Variants in PTCD1 observed in about 807,000 individuals in gnomAD.
PTCD1 encodes the protein pentatricopeptide repeat-containing protein 1, mitochondrial.
A neutral mutation model predicts 53.4 loss-of-function variants in PTCD1; 50 were observed. The observed-to-expected ratio is 0.94, with a 90% CI of 0.75 to 1.19. The LOEUF is 1.19. Ranked by LOEUF, PTCD1 falls within the 50% of genes most tolerant of loss-of-function variation. PTCD1 has a pLI of 0.00. For missense variants in PTCD1, 918 were observed against 904.8 expected (o/e 1.01, Z -0.19); for synonymous variants, 413 against 394.8 (o/e 1.05, Z -0.55).
intron 1 of PTCD1, among the ~76,000 whole-genome samples, chr7:99,437,380 C>A (rs1796522673): frequency 1.3e-5 from 2 of 151,684 alleles, no homozygotes; most frequent in East Asian, 3.9e-4. Context: ...CCTCGGCTCA[C>A]TGCAATTTCC....
intron 5 of PTCD1, among the ~76,000 whole-genome samples, chr7:99,427,386 C>T (rs1319635083): frequency 2.0e-5 from 3 of 149,108 alleles, no homozygotes; most frequent in Admixed American, 1.3e-4. Context: ...CCAGCCGCCC[C>T]GTCCGGGAGG....
intron 3 of PTCD1, among the ~76,000 whole-genome samples, chr7:99,430,931 C>T (rs902768433): frequency 1.3e-5 from 2 of 152,132 alleles, no homozygotes; most frequent in Non-Finnish European, 1.5e-5. Context: ...AAAAATTAGC[C>T]AGGCATGGTG....
Position 99,419,417 on chromosome 7 carries a change from T to C in PTCD1, c.*550A>G. On this transcript the variant is annotated 3_prime_UTR_variant, in exon 8 of 8. Coordinates refer to ENST00000292478, the MANE Select transcript of PTCD1 (RefSeq NM_015545.4). The stretch of plus-strand genomic sequence containing the variant: ...GCCGCATCATCGAGTGCACACACTG[T>C]GGCTGTCGTGGCTGCTCTGGCTGAG... The C allele has an allele frequency of 6.2e-7, 1 of 1,613,026 alleles. No individual in the cohort carries two copies. The highest frequency in any genetic ancestry group is 8.5e-7 in the Non-Finnish European group (1 of 1,180,026).
chr7:99,419,548 G>T lies in PTCD1; in HGVS notation c.*419C>A. 1 of 1,295,216 alleles carries T rather than the reference G, an allele frequency of 7.7e-7. No homozygotes were observed. The highest frequency in any genetic ancestry group is 1.1e-6 in the Non-Finnish European group (1 of 906,926). The allele number at this position is 1,295,216 out of a possible 1,614,324, so 80.2% of individuals were successfully genotyped here. ...TGCCCCAGGCCCGAGTTGGAGCACG[G>T]TCTCTATGGGGAAGGCTTCGCTGTC... On this transcript the variant is annotated 3_prime_UTR_variant, in exon 8 of 8. Coordinates refer to ENST00000292478, the MANE Select transcript of PTCD1 (RefSeq NM_015545.4).
At position 99,425,123 on chromosome 7, in the gene PTCD1, C is replaced by G; in HGVS notation, c.1409G>C (p.Gly470Ala). The G allele has an allele frequency of 1.9e-6, 3 of 1,613,984 alleles. No homozygotes were observed. The highest frequency in any genetic ancestry group is 2.5e-6 in the Non-Finnish European group (3 of 1,179,946). Reference protein sequence around the residue: ...TPADRLALIGGLEGFLSKMAE... With the variant: ...TPADRLALIGALEGFLSKMAE... ...CATCTTGCTCAGGAAGCCCTCCAGG[C>G]CCCCTATCAAGGCCAGCCGGTCAGC... The change falls in exon 6 of 8, where the codon GGC becomes GCC. Residue 470 changes from glycine to alanine, a missense_variant. Physicochemically the swap from Gly to Ala is moderately conservative, Grantham distance 60. Coordinates refer to ENST00000292478, the MANE Select transcript of PTCD1 (RefSeq NM_015545.4).
intron 1 of PTCD1, chr7:99,438,414 A>C (rs938071990): frequency 1.5e-6 from 1 of 667,782 alleles, no homozygotes; most frequent in Non-Finnish European, 1.9e-6. Flanking sequence ...GCAGTGAGCT[A>C]TGATCGTACC....
At chr7:99,426,520 G>C (rs1796030789) in intron 5 of PTCD1, among the ~76,000 whole-genome samples, 1 of 152,298 alleles carries the variant, frequency 6.6e-6, no homozygotes, top group African/African-American at 2.4e-5. Context: ...GGAGTGCAGT[G>C]GCGTGATCTC....
chr7:99,422,887 T>C (rs1795878442), intron 7 of PTCD1, among the ~76,000 whole-genome samples: 1 of 152,084 alleles, frequency 6.6e-6, no homozygotes. Flanking sequence ...ATCTTTTGCG[T>C]CCTCTGTAAA....
intron 3 of PTCD1, 96 bp from the exon 4 acceptor site, chr7:99,429,902 G>A (rs1188241993): frequency 8.8e-5 from 128 of 1,458,088 alleles, no homozygotes; most frequent in Non-Finnish European, 1.2e-4. Flanking sequence ...AGAGGACCCC[G>A]TCACTGCATC....
rs1049027532 is a variant in PTCD1 at position 99,417,119 on chromosome 7, C to A, written c.*2848G>T. On this transcript the variant is annotated 3_prime_UTR_variant, in exon 8 of 8. Transcript: ENST00000292478. ...TCACCCAGGCTGGAGTCCAGTGGCA[C>A]GACCTCAGGTCACTACAACCTCCGC... 5.7e-5 allele frequency: 16 copies of A among 279,866 alleles called. No homozygotes were observed. The East Asian group carries it at 1.7e-3, about 30-fold the overall frequency. The allele number at this position is 279,866 out of a possible 1,614,324, so 17.3% of individuals were successfully genotyped here.
rs1047316797 is a variant in PTCD1 at position 99,419,847 on chromosome 7, C to T, written c.*120G>A. 117 of 1,539,952 alleles carry T rather than the reference C, an allele frequency of 7.6e-5. No homozygotes were observed. Among genetic ancestry groups the T allele is most frequent in the Non-Finnish European group, 9.6e-5 (109 of 1,132,808 alleles). On this transcript the variant is annotated 3_prime_UTR_variant, in exon 8 of 8. Coordinates refer to ENST00000292478, the MANE Select transcript of PTCD1 (RefSeq NM_015545.4). ...TGTGTCCTCACCAACACCTGTGACA[C>T]GCTGCGGCTGTTCCTCAGGGCCTGG...
intron 5 of PTCD1, among the ~76,000 whole-genome samples, chr7:99,427,099 G>T (rs1227530738): frequency 7.3e-6 from 1 of 136,346 alleles, no homozygotes; most frequent in Non-Finnish European, 1.6e-5. Flanking sequence ...GTCAGCCCCC[G>T]CCAGGCCAGC....
chr7:99,432,909 T>G, intron 3 of PTCD1: 1 of 351,316 alleles, frequency 2.8e-6, no homozygotes, highest in South Asian at 2.5e-5. Flanking sequence ...ATTAGCCAGA[T>G]ATGGTGCTAC....
At chr7:99,429,493 C>A (rs1243441046) in intron 4 of PTCD1, 95 bp downstream of exon 4, 1 of 1,570,368 alleles carries the variant, frequency 6.4e-7, no homozygotes, top group Non-Finnish European at 8.7e-7. Context: ...CCTCCCTAAG[C>A]CTTCCTACAT....
At chr7:99,430,065 G>C (rs1032873417) in intron 3 of PTCD1, among the ~76,000 whole-genome samples, 2 of 152,192 alleles carry the variant, frequency 1.3e-5, no homozygotes, top group Non-Finnish European at 2.9e-5. Context: ...GCCCACTCCA[G>C]GCCTGGGGTC....
chr7:99,427,244 T>C (rs1292986582), intron 5 of PTCD1, among the ~76,000 whole-genome samples: 60 of 100,148 alleles, frequency 6.0e-4, no homozygotes, highest in East Asian at 1.1e-3. Context: ...TCTGCCCGGC[T>C]GCCCCTACTG....
rs560385648 is a variant in PTCD1 at position 99,421,748 on chromosome 7, C to A, written c.1921-1599G>T. On this transcript the variant is annotated intron_variant, in intron 7 of 7. Transcript: ENST00000292478. ...CCAGCCTGGGTGACAGAGTGAGACT[C>A]CATCTCATAAAAAACAAAAGGAAAA... Among the ~76,000 whole-genome samples, 12 of 152,182 alleles carry A rather than the reference C, an allele frequency of 7.9e-5. 1 individual carries two copies. The East Asian group carries it at 2.3e-3, about 29-fold the overall frequency.
At position 99,424,908 on chromosome 7, in the gene PTCD1, G is replaced by C. The variant is rs748182414; in HGVS notation, c.1624C>G (p.Leu542Val). The C allele has an allele frequency of 1.2e-6, 2 of 1,614,258 alleles. No homozygotes were observed. The highest frequency in any genetic ancestry group is 1.6e-4 in the Middle Eastern group (1 of 6,062). The change falls in exon 6 of 8, where the codon CTG (leucine) becomes GTG (valine). Residue 542 changes from leucine (L) to valine (V), a missense_variant. Transcript: ENST00000292478. Reference sequence around the variant, plus strand: ...CCCCTCTTTGCCAGGACCGGCAACAGCGCCTTGGCCCCCTCCAGGTCTCCC... The same window carrying C: ...CCCCTCTTTGCCAGGACCGGCAACACCGCCTTGGCCCCCTCCAGGTCTCCC... ...KLGDLEGAKA[L>V]LPVLAKRGLV...
chr7:99,434,970 G>T lies in PTCD1; in HGVS notation c.273C>A (p.Thr91=), dbSNP rs11555142. The T allele has an allele frequency of 0.09, 145,289 of 1,614,076 alleles. 7,459 individuals carry two copies. Among genetic ancestry groups the T allele is most frequent in the African/African-American group, 0.19 (14,251 of 74,992 alleles). Residue 91 remains threonine, a synonymous_variant, in exon 2 of 8, where the codon ACC becomes ACA. Coordinates refer to ENST00000292478, the MANE Select transcript of PTCD1 (RefSeq NM_015545.4). ...TCCGGGAGGAGTATTTGTCAGAGAGGGTCCCAAAACTCTCCTCCTCCTCCT... is the reference window on the plus strand; with the variant it reads ...TCCGGGAGGAGTATTTGTCAGAGAGTGTCCCAAAACTCTCCTCCTCCTCCT... ...EDEEEEESFG[T]LSDKYSSRRL...
Sources: gnomAD v4.1 joint callset for allele counts (sites outside exome capture counted in the v4.1 genomes callset) on GRCh38, gnomAD v4.1.1 for gene constraint, MANE v1.5 for transcripts, NCBI Gene and HGNC (gene_info 2026-07-23, HGNC 2026-07-21) for gene names.